The following PPFIA1 variants were observed in gnomAD, a reference collection of about 807,000 sequenced individuals.
PPFIA1 encodes the protein liprin-alpha-1.
A neutral mutation model predicts 149.9 loss-of-function variants in PPFIA1; 25 were observed. That is an observed-to-expected ratio of 0.17 (90% confidence interval 0.12 to 0.23). PPFIA1 has a LOEUF of 0.23. Among genes scored for constraint, PPFIA1 ranks in the 10% least tolerant of loss-of-function variants. The pLI, the probability that PPFIA1 is intolerant of heterozygous loss-of-function variation, is 1.00. For synonymous variants in PPFIA1, 549 were observed against 552.8 expected, an observed-to-expected ratio of 0.99 and a Z score of 0.10; for missense variants, 1,362 against 1,506.5, an observed-to-expected ratio of 0.90 and a Z score of 1.59.
intron 2 of PPFIA1, among the ~76,000 whole-genome samples, chr11:70,295,587 A>G (rs1469044357): frequency 1.5e-3 from 105 of 67,998 alleles, no homozygotes; most frequent in Middle Eastern, 0.013. Flanking sequence ...TCCCGGATGG[A>G]GCGGCTGGCT....
chr11:70,373,904 G>A (rs1019550926), intron 23 of PPFIA1: 1 of 152,160 alleles, frequency 6.6e-6, no homozygotes, highest in Non-Finnish European at 1.5e-5. Context: ...CCAGAAAAGG[G>A]CATTGGCAAT....
intron 16 of PPFIA1, chr11:70,351,155 T>A: frequency 2.8e-6 from 1 of 354,320 alleles, no homozygotes; most frequent in African/African-American, 2.2e-5. Flanking sequence ...TGGAAGTGTT[T>A]AAAGTGACCT....
Position 70,341,553 on chromosome 11 carries a change from G to A in PPFIA1, c.1708-2116G>A, listed in dbSNP as rs181516449. On this transcript the variant is annotated intron_variant, in intron 14 of 27. Transcript: ENST00000253925. ...GGTTGATGGGACTGTCAGCTGTCCA[G>A]GGGAGGTGGCAGGTTGGCTGTTGAA... 2.8e-3 allele frequency among the ~76,000 whole-genome samples: 427 copies of A among 152,296 alleles called. 3 individuals are homozygous for A. Among genetic ancestry groups the A allele is most frequent in the African/African-American group, 9.7e-3 (402 of 41,562 alleles).
intron 15 of PPFIA1, among the ~76,000 whole-genome samples, chr11:70,347,623 T>A (rs2055791404): frequency 6.6e-6 from 1 of 152,124 alleles, no homozygotes; most frequent in African/African-American, 2.4e-5. Flanking sequence ...GGAGGATCCC[T>A]TGAGTCCAGG....
At chr11:70,284,221 CT>C (rs1432917162) in intron 2 of PPFIA1, among the ~76,000 whole-genome samples, 7 of 152,206 alleles carry the variant, frequency 4.6e-5, no homozygotes, top group Admixed American at 4.6e-4. Flanking sequence ...ATGGTGCCCC[CT>C]CATCTGCTTT....
chr11:70,373,264 C>T (rs1459716122), intron 23 of PPFIA1: 1 of 152,352 alleles, frequency 6.6e-6, no homozygotes, highest in Non-Finnish European at 1.5e-5. Context: ...GCTCTGTAGC[C>T]CAGGCTAGGC....
chr11:70,341,301 G>A (rs1490967881), intron 14 of PPFIA1, among the ~76,000 whole-genome samples: 8 of 150,940 alleles, frequency 5.3e-5, no homozygotes, highest in Non-Finnish European at 1.0e-4. Context: ...CTGAGCAGGG[G>A]CGTGAAGGAG....
At chr11:70,346,218 C>T (rs1033240229) in intron 15 of PPFIA1, among the ~76,000 whole-genome samples, 1 of 152,112 alleles carries the variant, frequency 6.6e-6, no homozygotes, top group African/African-American at 2.4e-5. Flanking sequence ...GATCTACCCT[C>T]GGGCCCTGGC....
At chr11:70,288,220 C>T (rs186780864) in intron 2 of PPFIA1, among the ~76,000 whole-genome samples, 15 of 152,046 alleles carry the variant, frequency 9.9e-5, no homozygotes, top group South Asian at 2.1e-4. Flanking sequence ...TTACAGGTGC[C>T]GCCACCATGC....
intron 12 of PPFIA1, 52 bp downstream of exon 12, chr11:70,337,479 G>T: frequency 7.3e-7 from 1 of 1,367,940 alleles, no homozygotes; most frequent in South Asian, 1.3e-5. Flanking sequence ...CTGAGTTGAT[G>T]ATGATGATAG....
intron 2 of PPFIA1, among the ~76,000 whole-genome samples, chr11:70,314,076 C>A (rs1306472318): frequency 6.6e-6 from 1 of 152,196 alleles, no homozygotes; most frequent in African/African-American, 2.4e-5. Context: ...ATTGAAGCCA[C>A]GGACACCGGC....
rs765153700 is a variant in PPFIA1, at chr11:70,374,892, T to A, written c.3140-26T>A. On this transcript the variant is annotated intron_variant, in intron 23 of 27. Coordinates refer to ENST00000253925, the MANE Select transcript of PPFIA1 (RefSeq NM_003626.5). ...TAAAGATGGCTTTCTGAAGCCACTT[T>A]TATAATTGTCTTTATTCTTTTGCAG... 27 of 1,605,814 alleles carry A rather than the reference T, an allele frequency of 1.7e-5. No individual in the cohort carries two copies. The South Asian group carries it at 3.0e-4, about 18-fold the overall frequency.
chr11:70,296,716 G>C (rs572554834), intron 2 of PPFIA1, among the ~76,000 whole-genome samples: 61 of 140,176 alleles, frequency 4.4e-4, no homozygotes, highest in African/African-American at 1.6e-3. Flanking sequence ...AGACCATGGG[G>C]AGAGGGAGAG....
intron 2 of PPFIA1, among the ~76,000 whole-genome samples, chr11:70,315,916 A>AT (rs951014366): frequency 1.3e-5 from 2 of 150,790 alleles, no homozygotes; most frequent in African/African-American, 4.9e-5. Context: ...CTACCATTCT[A>AT]TTTTCTATCT....
chr11:70,374,381 A>G (rs1314828051), intron 23 of PPFIA1: 1 of 151,816 alleles, frequency 6.6e-6, no homozygotes, highest in East Asian at 1.9e-4. Flanking sequence ...AAAAGAGAGG[A>G]AAAAAAAAGA....
At chr11:70,286,395 G>A (rs759933291) in intron 2 of PPFIA1, among the ~76,000 whole-genome samples, 2 of 152,168 alleles carry the variant, frequency 1.3e-5, no homozygotes, top group Non-Finnish European at 2.9e-5. Flanking sequence ...GGGACTACAG[G>A]CACATGCCAC....
intron 2 of PPFIA1, among the ~76,000 whole-genome samples, chr11:70,309,293 C>G (rs2053097327): frequency 6.6e-6 from 1 of 152,132 alleles, no homozygotes; most frequent in Non-Finnish European, 1.5e-5. Flanking sequence ...CCTCAGCCTC[C>G]CGAGTAGCTG....
At chr11:70,318,042 C>T (rs182588067) in intron 2 of PPFIA1, among the ~76,000 whole-genome samples, 1 of 152,282 alleles carries the variant, frequency 6.6e-6, no homozygotes, top group East Asian at 1.9e-4. Flanking sequence ...AGCTCCCTTG[C>T]CTCTTCCACT....
At chr11:70,291,056 T>G (rs1030812220) in intron 2 of PPFIA1, among the ~76,000 whole-genome samples, 1 of 152,086 alleles carries the variant, frequency 6.6e-6, no homozygotes, top group African/African-American at 2.4e-5. Flanking sequence ...TGGCTAATTT[T>G]GTATTTTTAG....
Sources: gnomAD v4.1 joint callset for allele counts (sites outside exome capture counted in the v4.1 genomes callset) on GRCh38, gnomAD v4.1.1 for gene constraint, MANE v1.5 for transcripts, NCBI Gene and HGNC (gene_info 2026-07-23, HGNC 2026-07-21) for gene names.